KLF12: variants seen among roughly 807,000 people sequenced by gnomAD.
KLF12 encodes the protein KLF transcription factor 12.
In KLF12, 9 loss-of-function variants were observed where a neutral mutation model predicts 37.8. That is an observed-to-expected ratio of 0.24 (90% CI 0.14 to 0.42). The LOEUF (loss-of-function observed/expected upper bound fraction) is 0.42. Ranked by LOEUF, KLF12 falls within the 10% of genes least tolerant of loss-of-function variation. The pLI is 1.00. For missense variants in KLF12, 411 were observed against 516.0 expected (o/e 0.80, Z 1.97); for synonymous variants, 208 against 202.1 (o/e 1.03, Z -0.25).
At chr13:74,041,593 T>C (rs947355887) in intron 1 of KLF12, among the ~76,000 whole-genome samples, 2 of 151,956 alleles carry the variant, frequency 1.3e-5, no homozygotes, top group African/African-American at 4.8e-5. Flanking sequence ...CTCTTCCTTC[T>C]TAAAACTCAT....
At chr13:74,050,190 TG>T (rs1416483535) in intron 1 of KLF12, among the ~76,000 whole-genome samples, 1 of 152,076 alleles carries the variant, frequency 6.6e-6, no homozygotes, top group African/African-American at 2.4e-5. Context: ...AACTGACAAA[TG>T]TATTGGGAAT....
chr13:73,960,451 A>C (rs570556483), intron 2 of KLF12: 30 of 223,882 alleles, frequency 1.3e-4, no homozygotes, highest in Non-Finnish European at 2.7e-4. Flanking sequence ...ACAGTTCAAA[A>C]TGTGAGGCAA....
the KLF12 span, among the ~76,000 whole-genome samples, chr13:74,239,716 G>C: frequency 6.7e-6 from 1 of 148,522 alleles, no homozygotes; most frequent in Admixed American, 6.7e-5. Flanking sequence ...TGTCTCTTTT[G>C]ATCTTTGTTG....
At chr13:73,862,144 T>A (rs1318519810) in intron 3 of KLF12, among the ~76,000 whole-genome samples, 10 of 151,606 alleles carry the variant, frequency 6.6e-5, no homozygotes, top group African/African-American at 2.4e-4. Flanking sequence ...CTAAATTCAC[T>A]AAGCATCTGT....
the KLF12 span, among the ~76,000 whole-genome samples, chr13:74,239,512 CGTT>C: frequency 8.4e-6 from 1 of 118,462 alleles, no homozygotes; most frequent in African/African-American, 3.5e-5. Flanking sequence ...CTTTCTGTCT[CGTT>C]GATCTGTCTA....
chr13:74,176,361 ATTCT>A, the KLF12 span, among the ~76,000 whole-genome samples: 2 of 152,144 alleles, frequency 1.3e-5, no homozygotes, highest in Non-Finnish European at 2.9e-5. Flanking sequence ...TTTGACTGAC[ATTCT>A]TTCTCTTTAC....
At chr13:74,289,821 G>A in the KLF12 span, among the ~76,000 whole-genome samples, 4 of 152,256 alleles carry the variant, frequency 2.6e-5, 1 homozygote, top group South Asian at 6.2e-4. Flanking sequence ...GCAAAGTTGT[G>A]TGAAGTCCCA....
At chr13:73,959,503 A>T (rs1890953842) in intron 2 of KLF12, among the ~76,000 whole-genome samples, 1 of 150,878 alleles carries the variant, frequency 6.6e-6, no homozygotes, top group Non-Finnish European at 1.5e-5. Flanking sequence ...CATTTTATAT[A>T]AAATATATAT....
At chr13:74,270,404 A>G in the KLF12 span, among the ~76,000 whole-genome samples, 3 of 152,314 alleles carry the variant, frequency 2.0e-5, no homozygotes, top group South Asian at 6.2e-4. Context: ...CATATGGCTG[A>G]TGATTTAACC....
At chr13:74,120,599 A>G (rs1017378698) in intron 1 of KLF12, among the ~76,000 whole-genome samples, 1 of 152,112 alleles carries the variant, frequency 6.6e-6, no homozygotes, top group African/African-American at 2.4e-5. Context: ...TGGAACTAGC[A>G]AAAATATGAG....
At position 73,787,640 on chromosome 13, in the gene KLF12, G is replaced by T. The variant is rs138931026; in HGVS notation, c.807-22640C>A. On this transcript the variant is annotated intron_variant, in intron 5 of 7. Transcript: ENST00000377669. ...TTTAGAGAAACTAAGTAACTTGAAA[G>T]ATCACAAAGCTGGTACATGGAAGTT... 1.7e-3 allele frequency among the ~76,000 whole-genome samples: 255 copies of T among 152,240 alleles called. 3 individuals carry two copies. The highest frequency in any genetic ancestry group is 5.9e-3 in the African/African-American group (245 of 41,542).
intron 2 of KLF12, among the ~76,000 whole-genome samples, chr13:73,949,934 G>C (rs1890582403): frequency 6.7e-6 from 1 of 148,344 alleles, no homozygotes; most frequent in Admixed American, 6.8e-5. Flanking sequence ...GGCCTATTGG[G>C]ACTCTCAACT....
intron 1 of KLF12, among the ~76,000 whole-genome samples, chr13:74,133,137 T>C (rs1437628715): frequency 6.6e-6 from 1 of 152,150 alleles, no homozygotes; most frequent in African/African-American, 2.4e-5. Context: ...TTACACATCA[T>C]TACGACCAGA....
intron 2 of KLF12, among the ~76,000 whole-genome samples, chr13:73,988,106 A>T (rs909767310): frequency 6.6e-6 from 1 of 152,170 alleles, no homozygotes; most frequent in African/African-American, 2.4e-5. Flanking sequence ...CTTCCAGTAG[A>T]TCCCCTGGAA....
At chr13:73,859,257 G>A (rs747694878) in intron 3 of KLF12, among the ~76,000 whole-genome samples, 1 of 152,152 alleles carries the variant, frequency 6.6e-6, no homozygotes, top group Non-Finnish European at 1.5e-5. Context: ...AGGGAGCAGG[G>A]GCAGGCAAGA....
At chr13:73,797,349 T>C (rs188953051) in intron 5 of KLF12, among the ~76,000 whole-genome samples, 1 of 152,310 alleles carries the variant, frequency 6.6e-6, no homozygotes, top group Admixed American at 6.5e-5. Context: ...TTCAAAGGCA[T>C]AGCCATTCCT....
intron 5 of KLF12, among the ~76,000 whole-genome samples, chr13:73,794,608 T>G (rs1881863144): frequency 6.6e-6 from 1 of 152,218 alleles, no homozygotes; most frequent in African/African-American, 2.4e-5. Context: ...CTGCCTGTTA[T>G]CTGACAATAT....
At chr13:74,298,681 G>A in the KLF12 span, among the ~76,000 whole-genome samples, 1 of 152,086 alleles carries the variant, frequency 6.6e-6, no homozygotes, top group Non-Finnish European at 1.5e-5. Flanking sequence ...AAATTCTTTA[G>A]AAATTTAGAG....
chr13:74,082,548 T>G (rs1334678264), intron 1 of KLF12, among the ~76,000 whole-genome samples: 1 of 152,098 alleles, frequency 6.6e-6, no homozygotes, highest in Non-Finnish European at 1.5e-5. Context: ...CACCCTCACC[T>G]CCACTATTCC....
Sources: gnomAD v4.1 joint callset for allele counts (sites outside exome capture counted in the v4.1 genomes callset) on GRCh38, gnomAD v4.1.1 for gene constraint, MANE v1.5 for transcripts, NCBI Gene and HGNC (gene_info 2026-07-23, HGNC 2026-07-21) for gene names.